SLC35E2B: variants seen among roughly 807,000 people sequenced by gnomAD.
SLC35E2B encodes solute carrier family 35 member E2B.
A neutral mutation model predicts 32.4 loss-of-function variants in SLC35E2B; 18 were observed. That is an observed-to-expected ratio of 0.56 (90% CI 0.38 to 0.82). The LOEUF (loss-of-function observed/expected upper bound fraction) is 0.82. Ranked by LOEUF, SLC35E2B falls within the 40% of genes least tolerant of loss-of-function variation. SLC35E2B has a pLI of 0.00. For missense variants in SLC35E2B, 263 were observed against 469.5 expected, an observed-to-expected ratio of 0.56 and a Z score of 4.06; for synonymous variants, 132 against 209.1, an observed-to-expected ratio of 0.63 and a Z score of 3.18.
In SLC35E2B at chr1:1,675,548, C is replaced by T. The variant is rs772337909; in HGVS notation, c.501G>A (p.Val167=). The T allele has an allele frequency of 6.7e-5, 106 of 1,582,754 alleles. 3 individuals are homozygous for T. The South Asian group carries it at 1.2e-3, about 18-fold the overall frequency. The change falls in exon 5 of 10, where the codon GTG becomes GTA. Residue 167 remains valine (V), a synonymous_variant. Transcript: ENST00000617444. The part of the protein sequence containing the change: ...VVLGLVSLKN[V]AVSFAETVKS... ...TCACCGTCTCAGCAAACGAAACCGC[C>T]ACATTTTTCAGGCTGACCAAACCCA...
chr1:1,665,917 G>A lies in SLC35E2B; in HGVS notation c.1083C>T (p.Thr361=), dbSNP rs78875124. 52 of 1,551,380 alleles carry A rather than the reference G, an allele frequency of 3.4e-5. No individual in the cohort carries two copies. Among genetic ancestry groups the A allele is most frequent in the South Asian group, 2.3e-4 (19 of 84,060 alleles). ...SLSAVGTALV[T]VGVLLYNKAR... ...CTTTGTTGTAGAGCAGGACCCCAAC[G>A]GTCACCAGGGCTGTGCCAACGGCCG... Residue 361 remains threonine (T), a synonymous_variant, in exon 10 of 10, where the codon ACC becomes ACT. Coordinates refer to ENST00000617444, the MANE Select transcript of SLC35E2B (RefSeq NM_001290264.2).
At chr1:1,679,284 A>AAGCATCTCCCTCTTGCCAG (rs1266482945) in intron 2 of SLC35E2B, among the ~76,000 whole-genome samples, 2 of 152,138 alleles carry the variant, frequency 1.3e-5, no homozygotes, top group African/African-American at 4.8e-5. Context: ...TTCAAAAGGC[A>AAGCATCTCCCTCTTGCCAG]AGCATCTCCC....
At chr1:1,679,568 T>A (rs149666899) in intron 2 of SLC35E2B, among the ~76,000 whole-genome samples, 69 of 152,148 alleles carry the variant, frequency 4.5e-4, no homozygotes, top group African/African-American at 1.4e-3. Flanking sequence ...GGCTCACACC[T>A]GGAATCCCAG....
At chr1:1,675,091 A>G (rs374946663) in intron 5 of SLC35E2B, among the ~76,000 whole-genome samples, 25,918 of 149,282 alleles carry the variant, frequency 0.17, 3,025 homozygotes, top group Middle Eastern at 0.26. Flanking sequence ...ACGGACCAGG[A>G]GCCACGGCCG....
chr1:1,663,873 T>G lies in SLC35E2B; in HGVS notation c.*1909A>C, dbSNP rs1643471492. On this transcript the variant is annotated 3_prime_UTR_variant, in exon 10 of 10. Coordinates refer to ENST00000617444, the MANE Select transcript of SLC35E2B (RefSeq NM_001290264.2). ...CAGTGAGCACACACCTGGCCTGTCC[T>G]CCACACACAGGTCAGCGGTTTTATA... 1.1e-6 allele frequency: 1 copy of G among 875,816 alleles called. No individual in the cohort carries two copies. Among genetic ancestry groups the G allele is most frequent in the African/African-American group, 1.8e-5 (1 of 56,592 alleles). 54.3% of individuals were successfully genotyped at this position (875,816 alleles called of 1,614,324 possible).
chr1:1,686,067 C>T (rs567601901), intron 2 of SLC35E2B, among the ~76,000 whole-genome samples: 1 of 152,234 alleles, frequency 6.6e-6, no homozygotes, highest in Non-Finnish European at 1.5e-5. Flanking sequence ...TGCAATGGCA[C>T]GATCTTGGCT....
intron 2 of SLC35E2B, among the ~76,000 whole-genome samples, chr1:1,680,667 G>A (rs1204814472): frequency 6.6e-6 from 1 of 152,000 alleles, no homozygotes; most frequent in Non-Finnish European, 1.5e-5. Context: ...CAATCTGCAG[G>A]ACTTCACTAC....
chr1:1,680,928 G>A (rs375442692), intron 2 of SLC35E2B, among the ~76,000 whole-genome samples: 112 of 150,224 alleles, frequency 7.5e-4, no homozygotes, highest in African/African-American at 2.7e-3. Context: ...TCAGCCTCCC[G>A]AGTAACTGGG....
intron 2 of SLC35E2B, among the ~76,000 whole-genome samples, chr1:1,681,310 GC>G (rs1167903120): frequency 2.6e-5 from 4 of 151,612 alleles, no homozygotes; most frequent in Non-Finnish European, 4.4e-5. Context: ...CCATTCTCCT[GC>G]CTCAGCCTCT....
chr1:1,690,124 A>C (rs1288711541), intron 2 of SLC35E2B, among the ~76,000 whole-genome samples: 1 of 150,866 alleles, frequency 6.6e-6, no homozygotes, highest in South Asian at 2.1e-4. Flanking sequence ...TCTACTAAAA[A>C]TACAAAGTTG....
intron 2 of SLC35E2B, among the ~76,000 whole-genome samples, chr1:1,679,078 C>T (rs556256491): frequency 2.0e-5 from 3 of 152,286 alleles, no homozygotes; most frequent in South Asian, 2.1e-4. Context: ...GAAGGCTGCC[C>T]CCTGGCTGGG....
chr1:1,684,803 A>AAAAAAAAAAAAAAAAAAAAG (rs1643931999), intron 2 of SLC35E2B, among the ~76,000 whole-genome samples: 1 of 147,604 alleles, frequency 6.8e-6, no homozygotes. Flanking sequence ...AAAAAAAAAA[A>AAAAAAAAAAAAAAAAAAAAG]AAAAAAAAAA....
rs569657454 is a variant in SLC35E2B, at chr1:1,662,358, C to T, written c.*3424G>A. 4.9e-4 allele frequency: 432 copies of T among 875,722 alleles called. 16 individuals carry two copies. Among genetic ancestry groups the T allele is most frequent in the Non-Finnish European group, 5.5e-4 (405 of 740,376 alleles). 54.2% of individuals were successfully genotyped at this position (875,722 alleles called of 1,614,324 possible). A position where few individuals can be genotyped will look rare whatever the true frequency, so the allele number is the denominator to read the frequency against. On this transcript the variant is annotated 3_prime_UTR_variant, in exon 10 of 10. Transcript: ENST00000617444. The stretch of plus-strand genomic sequence containing the variant: ...AAATACTTCCAGGCCTTCGAAAGGC[C>T]ATCCTTTGGACACATGTAAAAAGCT...
At position 1,669,749 on chromosome 1, in the gene SLC35E2B, G is replaced by A. The variant is rs1272893584; in HGVS notation, c.762-13C>T. The stretch of plus-strand genomic sequence containing the variant: ...CAGCTCCGGGGCCCTGTGGGTGACA[G>A]AACACGCTGGGCCCCCCGTGTCGGG... On this transcript the variant is annotated splice_polypyrimidine_tract_variant and intron_variant, in intron 7 of 9. Transcript: ENST00000617444. 2.6e-6 allele frequency: 4 copies of A among 1,548,304 alleles called. No homozygotes were observed. The Admixed American group carries it at 7.8e-5, about 30-fold the overall frequency.
chr1:1,684,169 A>C (rs1051690070), intron 2 of SLC35E2B, among the ~76,000 whole-genome samples: 1 of 152,138 alleles, frequency 6.6e-6, no homozygotes, highest in African/African-American at 2.4e-5. Flanking sequence ...TGACATCTCC[A>C]CAGACAGCCC....
chr1:1,687,075 A>T (rs1333991848), intron 2 of SLC35E2B, among the ~76,000 whole-genome samples: 1 of 152,088 alleles, frequency 6.6e-6, no homozygotes, highest in Non-Finnish European at 1.5e-5. Flanking sequence ...TAAATAAATA[A>T]ATAAAAAGAA....
At chr1:1,688,881 G>C (rs1170644656) in intron 2 of SLC35E2B, among the ~76,000 whole-genome samples, 1 of 151,394 alleles carries the variant, frequency 6.6e-6, no homozygotes. Context: ...AAAAGAATAA[G>C]GACCTCGAGG....
chr1:1,685,011 G>T (rs1266865950), intron 2 of SLC35E2B, among the ~76,000 whole-genome samples: 2 of 151,270 alleles, frequency 1.3e-5, no homozygotes, highest in African/African-American at 2.4e-5. Context: ...GGAGGCTTAG[G>T]CAGGAGAATC....
chr1:1,666,792 G>C lies in SLC35E2B; in HGVS notation c.981-773C>G, dbSNP rs189980368. On this transcript the variant is annotated intron_variant, in intron 9 of 9. Transcript: ENST00000617444. Reference sequence around the variant, plus strand: ...CCCAGCACTGTGGGAGGCCGGGCACGGGGGCTCAGCCTGTCATCCCAGCAC... The same window carrying C: ...CCCAGCACTGTGGGAGGCCGGGCACCGGGGCTCAGCCTGTCATCCCAGCAC... Among the ~76,000 whole-genome samples the C allele has an allele frequency of 6.9e-4, 104 of 151,580 alleles. 1 individual carries two copies. Among genetic ancestry groups the C allele is most frequent in the African/African-American group, 2.3e-3 (96 of 41,358 alleles).
Sources: gnomAD v4.1 joint callset for allele counts (sites outside exome capture counted in the v4.1 genomes callset) on GRCh38, gnomAD v4.1.1 for gene constraint, MANE v1.5 for transcripts, NCBI Gene and HGNC (gene_info 2026-07-23, HGNC 2026-07-21) for gene names.